The following PARPBP variants were observed in gnomAD, a reference collection of about 807,000 sequenced individuals.
PARPBP encodes the protein PARP1 binding protein, also known as PCNA-interacting partner.
Under a neutral mutation model 50.0 loss-of-function variants are expected in PARPBP, and 52 were observed. That is an observed-to-expected ratio of 1.04 (90% confidence interval 0.83 to 1.31). PARPBP has a LOEUF of 1.31. PARPBP is among the 50% of genes most tolerant of loss of function. The pLI, the probability that PARPBP is intolerant of heterozygous loss-of-function variation, is 0.00. For synonymous variants in PARPBP, 244 were observed against 232.1 expected, an observed-to-expected ratio of 1.05 and a Z score of -0.47; for missense variants, 697 against 672.0, an observed-to-expected ratio of 1.04 and a Z score of -0.41.
chr12:102,187,755 C>T (rs1292642486), intron 9 of PARPBP, among the ~76,000 whole-genome samples: 1 of 152,064 alleles, frequency 6.6e-6, no homozygotes. Flanking sequence ...AAGGAAGGAA[C>T]AGAATCAAGT....
At chr12:102,126,185 C>G (rs559239839) in intron 2 of PARPBP, among the ~76,000 whole-genome samples, 1 of 152,246 alleles carries the variant, frequency 6.6e-6, no homozygotes, top group East Asian at 1.9e-4. Flanking sequence ...ATTCAGCTTT[C>G]TACCTTTTTT....
intron 2 of PARPBP, among the ~76,000 whole-genome samples, chr12:102,146,904 A>G (rs1039645506): frequency 4.6e-5 from 7 of 152,300 alleles, no homozygotes; most frequent in East Asian, 3.9e-4. Flanking sequence ...AAAAGTGGGC[A>G]AAGGACATGA....
Position 102,165,873 on chromosome 12 carries a change from C to A in PARPBP, c.811C>A (p.Pro271Thr). The A allele has an allele frequency of 6.5e-7, 1 of 1,547,330 alleles. No homozygotes were observed. The highest frequency in any genetic ancestry group is 8.9e-7 in the Non-Finnish European group (1 of 1,125,086). Residue 271 changes from proline to threonine, a missense_variant, in exon 6 of 11, where the codon CCA (proline) becomes ACA (threonine). Pro to Thr is a conservative substitution (Grantham distance 38). Coordinates refer to ENST00000327680, the MANE Select transcript of PARPBP (RefSeq NM_017915.5). ...DKLDEILGEI[P>T]NPSIAGGQIL... The stretch of plus-strand genomic sequence containing the variant: ...ATTAGATGAGATTCTTGGAGAAATA[C>A]CAAACCCAAGGTAATGACTTTTCAT...
In PARPBP at chr12:102,158,120, CAA is replaced by C. The variant is rs55962862; in HGVS notation, c.495+4166_495+4167del. ...TGGGAGGGAGTGCGAGACTCCATCTCAAAAAAAAAAAAAAAAAAAAAAAGAAT... is the reference window on the plus strand; with the variant it reads ...TGGGAGGGAGTGCGAGACTCCATCTCAAAAAAAAAAAAAAAAAAAAAGAAT... On this transcript the variant is annotated intron_variant, in intron 4 of 10. Transcript: ENST00000327680. Among the ~76,000 whole-genome samples the C allele has an allele frequency of 3.3e-4, 16 of 47,978 alleles. No homozygotes were observed. In the East Asian group the frequency reaches 6.0e-3, roughly 18 times the overall value. 31.5% of individuals were successfully genotyped at this position (47,978 alleles called of 152,430 possible). A position where few individuals can be genotyped will look rare whatever the true frequency, so the allele number is the denominator to read the frequency against.
At chr12:102,121,973 A>G (rs1370344983) in intron 1 of PARPBP, among the ~76,000 whole-genome samples, 3 of 152,090 alleles carry the variant, frequency 2.0e-5, no homozygotes, top group Admixed American at 6.5e-5. Context: ...ATAAAACCCT[A>G]TGGGATAGGG....
intron 2 of PARPBP, among the ~76,000 whole-genome samples, chr12:102,138,750 T>C (rs1048611968): frequency 6.6e-6 from 1 of 152,250 alleles, no homozygotes; most frequent in African/African-American, 2.4e-5. Context: ...AGGGAATCTT[T>C]TCCCGATTTC....
Position 102,165,847 on chromosome 12 carries a change from A to C in PARPBP, c.785A>C (p.Lys262Thr). The C allele has an allele frequency of 6.3e-7, 1 of 1,576,852 alleles. No homozygotes were observed. The change falls in exon 6 of 11, where the codon AAA becomes ACA. Residue 262 changes from lysine to threonine, a missense_variant. By Grantham distance (78) the Lys-to-Thr change is moderately conservative. Transcript: ENST00000327680. The stretch of plus-strand genomic sequence containing the variant: ...TCTAATTTTATTAATTTCATTGACA[A>C]ATTAGATGAGATTCTTGGAGAAATA... Reference protein sequence around the residue: ...GLSNFINFIDKLDEILGEIPN... With the variant: ...GLSNFINFIDTLDEILGEIPN...
intron 2 of PARPBP, among the ~76,000 whole-genome samples, chr12:102,137,049 G>A (rs555356223): frequency 1.8e-4 from 28 of 151,962 alleles, no homozygotes; most frequent in African/African-American, 6.3e-4. Flanking sequence ...CCGCCTCCTG[G>A]GTTCATGCCA....
At chr12:102,145,968 G>A (rs1164811283) in intron 2 of PARPBP, among the ~76,000 whole-genome samples, 2 of 152,082 alleles carry the variant, frequency 1.3e-5, no homozygotes, top group African/African-American at 4.8e-5. Context: ...TAATTTTATT[G>A]CTTCAAAGAG....
At chr12:102,175,999 T>G (rs1889236368) in intron 7 of PARPBP, among the ~76,000 whole-genome samples, 3 of 151,912 alleles carry the variant, frequency 2.0e-5, no homozygotes, top group Non-Finnish European at 1.5e-5. Flanking sequence ...TTTTTTTTTT[T>G]GAGACGGAGT....
chr12:102,139,264 T>C (rs1415473283), intron 2 of PARPBP, among the ~76,000 whole-genome samples: 1 of 152,050 alleles, frequency 6.6e-6, no homozygotes, highest in Non-Finnish European at 1.5e-5. Flanking sequence ...TGAATGAGAG[T>C]TCACTCATGA....
At chr12:102,153,222 C>T (rs1405795806) in intron 3 of PARPBP, among the ~76,000 whole-genome samples, 3 of 152,186 alleles carry the variant, frequency 2.0e-5, no homozygotes, top group South Asian at 4.1e-4. Flanking sequence ...CACCAATCAG[C>T]AGCAAGCCTA....
At position 102,195,334 on chromosome 12, in the gene PARPBP, C is replaced by T. The variant is rs1304810519; in HGVS notation, c.1286C>T (p.Ser429Phe). 4 of 1,549,564 alleles carry T rather than the reference C, an allele frequency of 2.6e-6. No individual in the cohort carries two copies. The highest frequency in any genetic ancestry group is 3.5e-6 in the Non-Finnish European group (4 of 1,138,730). The change falls in exon 10 of 11, where the codon TCC becomes TTC. Residue 429 changes from serine to phenylalanine, a missense_variant. Transcript: ENST00000327680. ...KIKMKQTLIR[S>F]QFACTYKDDY... ...TAGATGAAGCAAACTTTAATTAGATCCCAATTTGCTTGTACTTATAAAGAT... is the reference window on the plus strand; with the variant it reads ...TAGATGAAGCAAACTTTAATTAGATTCCAATTTGCTTGTACTTATAAAGAT...
chr12:102,157,280 T>C (rs1887052922), intron 4 of PARPBP, among the ~76,000 whole-genome samples: 1 of 152,214 alleles, frequency 6.6e-6, no homozygotes, highest in Admixed American at 6.5e-5. Context: ...TGGAATTCTT[T>C]AGCGTACATT....
At chr12:102,175,696 T>G (rs778613232) in intron 7 of PARPBP, 30 bp downstream of exon 7, 6 of 1,402,584 alleles carry the variant, frequency 4.3e-6, no homozygotes, top group Non-Finnish European at 4.9e-6. Flanking sequence ...TCATTATCCT[T>G]TTATACAAAT....
intron 2 of PARPBP, among the ~76,000 whole-genome samples, chr12:102,133,644 G>T (rs1361732482): frequency 6.6e-6 from 1 of 151,848 alleles, no homozygotes; most frequent in East Asian, 1.9e-4. Flanking sequence ...GGTCATGGTT[G>T]TTTCATAAAA....
chr12:102,125,854 A>G (rs963403837), intron 2 of PARPBP, among the ~76,000 whole-genome samples: 1 of 152,220 alleles, frequency 6.6e-6, no homozygotes, highest in African/African-American at 2.4e-5. Context: ...CGTCAAAGAG[A>G]TCAAGCTGAG....
chr12:102,120,464 G>T (rs1880826660), intron 1 of PARPBP, 178 bp downstream of exon 1: 1 of 456,650 alleles, frequency 2.2e-6, no homozygotes, highest in Non-Finnish European at 4.4e-6. Flanking sequence ...GCTGTAGGCG[G>T]AGTTCACAGT....
chr12:102,143,270 TGGGACCCTCTTA>T (rs1056042932), intron 2 of PARPBP, among the ~76,000 whole-genome samples: 2 of 152,322 alleles, frequency 1.3e-5, no homozygotes, highest in African/African-American at 4.8e-5. Flanking sequence ...CTTGTGGGCG[TGGGACCCTCTTA>T]GCAAGGAGCA....
Sources: gnomAD v4.1 joint callset for allele counts (sites outside exome capture counted in the v4.1 genomes callset) on GRCh38, gnomAD v4.1.1 for gene constraint, MANE v1.5 for transcripts, NCBI Gene and HGNC (gene_info 2026-07-23, HGNC 2026-07-21) for gene names.